Variants in IHO1 observed in about 807,000 individuals in gnomAD.
The protein encoded by IHO1 is interactor of HORMAD1 protein 1.
A neutral mutation model predicts 31.0 loss-of-function variants in IHO1; 13 were observed. That is an observed-to-expected ratio of 0.42 (90% CI 0.27 to 0.67). The LOEUF (loss-of-function observed/expected upper bound fraction) is 0.67. Among genes scored for constraint, IHO1 ranks in the 30% least tolerant of loss-of-function variants. The probability of loss-of-function intolerance (pLI) is 0.24; values close to 1 mark genes in which losing one functional copy is unlikely to be tolerated. For missense variants in IHO1, 599 were observed against 687.5 expected, an observed-to-expected ratio of 0.87 and a Z score of 1.44; for synonymous variants, 221 against 248.4, an observed-to-expected ratio of 0.89 and a Z score of 1.04.
At chr3:49,209,614 T>TGACA (rs990162520) in intron 1 of IHO1, among the ~76,000 whole-genome samples, 1 of 151,454 alleles carries the variant, frequency 6.6e-6, no homozygotes, top group African/African-American at 2.4e-5. Context: ...CCAGCCTGCG[T>TGACA]GACAGAGTGG....
In IHO1 at chr3:49,216,797, G is replaced by GA. The variant is rs1003840406; in HGVS notation, c.56+4969dup. ...ACAAAGAAATTAAACAAATTCACAA[G>GA]AAAAAAAACCCCATCAAAAAGTGGG... On this transcript the variant is annotated intron_variant, in intron 2 of 7. Coordinates refer to ENST00000452691, the MANE Select transcript of IHO1 (RefSeq NM_001135197.2). Among the ~76,000 whole-genome samples, 9 of 151,762 alleles carry GA rather than the reference G, an allele frequency of 5.9e-5. No individual in the cohort carries two copies. The South Asian group carries it at 6.2e-4, about 11-fold the overall frequency.
At position 49,211,766 on chromosome 3, in the gene IHO1, GTATAAC is replaced by G. The variant is rs773739752; in HGVS notation, c.-9_-4del. 1.0e-3 allele frequency: 1,407 copies of G among 1,375,406 alleles called. 2 individuals are homozygous for G. Among genetic ancestry groups the G allele is most frequent in the Non-Finnish European group, 1.2e-3 (1,185 of 964,056 alleles). The allele number at this position is 1,375,406 out of a possible 1,614,324, so 85.2% of individuals were successfully genotyped here. On this transcript the variant is annotated splice_region_variant and 5_prime_UTR_variant, in exon 2 of 8. Coordinates refer to ENST00000452691, the MANE Select transcript of IHO1 (RefSeq NM_001135197.2). ...AATATTCACCTATTCTTTCTAATAGGTATAACTATAAGAAATGAATTTTAATGTCTG... is the reference window on the plus strand; with the variant it reads ...AATATTCACCTATTCTTTCTAATAGGTATAAGAAATGAATTTTAATGTCTG...
chr3:49,235,371 C>T (rs1467242078), intron 2 of IHO1, among the ~76,000 whole-genome samples: 2 of 151,634 alleles, frequency 1.3e-5, no homozygotes, highest in East Asian at 2.0e-4. Context: ...GGATTACAGG[C>T]ACCCACCATC....
chr3:49,244,004 GA>G (rs1158039031), intron 4 of IHO1, among the ~76,000 whole-genome samples: 3 of 150,440 alleles, frequency 2.0e-5, no homozygotes, highest in African/African-American at 7.3e-5. Flanking sequence ...TCCCAGGCTG[GA>G]GTGCAGTGGC....
intron 2 of IHO1, among the ~76,000 whole-genome samples, chr3:49,227,182 T>A (rs9826525): frequency 0.099 from 15,121 of 152,214 alleles, 828 homozygotes; most frequent in Middle Eastern, 0.11. Context: ...CAGAAAAGGT[T>A]AAGCTGCAGG....
chr3:49,195,257 T>C (rs1295804390), upstream of IHO1, among the ~76,000 whole-genome samples: 5 of 150,494 alleles, frequency 3.3e-5, no homozygotes, highest in Admixed American at 6.6e-5. Context: ...CCGTCTCTAC[T>C]AAAAATACAA....
At chr3:49,194,556 G>A (rs1250784007), upstream of IHO1, among the ~76,000 whole-genome samples, 2 of 145,926 alleles carry the variant, frequency 1.4e-5, no homozygotes, top group Admixed American at 1.4e-4. Context: ...CTCCCAAAGT[G>A]CTGAGATTAC....
intron 2 of IHO1, among the ~76,000 whole-genome samples, chr3:49,224,346 C>T (rs1223506445): frequency 6.6e-6 from 1 of 152,188 alleles, no homozygotes; most frequent in Non-Finnish European, 1.5e-5. Context: ...TCTGCCTTTT[C>T]TCCCTCACCT....
chr3:49,191,800 A>G, the IHO1 span: 1 of 1,542,358 alleles, frequency 6.5e-7, no homozygotes, highest in Non-Finnish European at 8.7e-7. Context: ...GAAAAGGCAA[A>G]CTTTCCTCTT....
In IHO1 at chr3:49,244,727, A is replaced by G. The variant is rs2046674373; in HGVS notation, c.526A>G (p.Lys176Glu). ...TTTGGATTCTTTGGAGACTGTGGCC[A>G]AGACATGTGAGTGCCTCATGTTTGA... ...SILDSLETVA[K>E]TLQETIQAQN... Residue 176 changes from lysine to glutamate, a missense_variant, in exon 6 of 8, where the codon AAG becomes GAG. Physicochemically the swap from Lys to Glu is moderately conservative, Grantham distance 56. Coordinates refer to ENST00000452691, the MANE Select transcript of IHO1 (RefSeq NM_001135197.2). 2 of 1,613,972 alleles carry G rather than the reference A, an allele frequency of 1.2e-6. No homozygotes were observed. Among genetic ancestry groups the G allele is most frequent in the African/African-American group, 1.3e-5 (1 of 75,052 alleles).
Position 49,241,226 on chromosome 3 carries a change from G to T in IHO1, c.232G>T (p.Gly78Cys). ...SKQSQQNYLEGEPSIFTKYQT... is the reference protein window; with the variant it reads ...SKQSQQNYLECEPSIFTKYQT... ...GCTATATATTTTTTTCATTTAACAG[G>T]GTGAACCTAGCATTTTCACAAAGTA... Residue 78 changes from glycine (G) to cysteine (C), a missense_variant and splice_region_variant, in exon 4 of 8, where the codon GGT becomes TGT. Physicochemically the swap from Gly to Cys is radical, Grantham distance 159. Transcript: ENST00000452691. 6.3e-7 allele frequency: 1 copy of T among 1,591,308 alleles called. No individual in the cohort carries two copies. The highest frequency in any genetic ancestry group is 8.5e-7 in the Non-Finnish European group (1 of 1,171,120).
intron 2 of IHO1, among the ~76,000 whole-genome samples, chr3:49,224,328 G>A (rs1001200433): frequency 6.6e-6 from 1 of 152,164 alleles, no homozygotes; most frequent in African/African-American, 2.4e-5. Context: ...TCTGCCTGAC[G>A]GTTTCCTTCT....
chr3:49,253,397 C>G (rs1051688228), intron 6 of IHO1, among the ~76,000 whole-genome samples: 2 of 152,126 alleles, frequency 1.3e-5, no homozygotes, highest in African/African-American at 2.4e-5. Flanking sequence ...TGCACTCCAG[C>G]TAGGCGACAG....
chr3:49,210,716 A>C (rs1273783688), intron 1 of IHO1, among the ~76,000 whole-genome samples: 1 of 76,292 alleles, frequency 1.3e-5, no homozygotes, highest in South Asian at 4.0e-4. Flanking sequence ...TTTTTTTTTG[A>C]GATGGGGTCT....
At chr3:49,231,829 C>T (rs781618951) in intron 2 of IHO1, among the ~76,000 whole-genome samples, 36 of 152,198 alleles carry the variant, frequency 2.4e-4, no homozygotes, top group Non-Finnish European at 4.7e-4. Context: ...AACGCAGATA[C>T]AGCATTACCT....
chr3:49,240,889 A>C (rs1370601970), intron 3 of IHO1, among the ~76,000 whole-genome samples: 2 of 152,194 alleles, frequency 1.3e-5, no homozygotes, highest in Non-Finnish European at 2.9e-5. Context: ...TTTGAGTTAA[A>C]ATTATGATTA....
chr3:49,192,816 A>G, the IHO1 span, among the ~76,000 whole-genome samples: 1 of 152,220 alleles, frequency 6.6e-6, no homozygotes, highest in East Asian at 1.9e-4. Flanking sequence ...GGATTGCCTG[A>G]GCCTGAGGAG....
At chr3:49,194,959 CAT>C (rs1310452309), upstream of IHO1, among the ~76,000 whole-genome samples, 2 of 151,612 alleles carry the variant, frequency 1.3e-5, no homozygotes, top group Non-Finnish European at 2.9e-5. Flanking sequence ...TGGATACAAA[CAT>C]ATGAACTGGC....
At chr3:49,233,757 G>GC (rs1199592424) in intron 2 of IHO1, among the ~76,000 whole-genome samples, 2 of 152,204 alleles carry the variant, frequency 1.3e-5, no homozygotes, top group Non-Finnish European at 2.9e-5. Context: ...CAAAATCTCT[G>GC]CAGCACTGTG....
Sources: allele counts gnomAD v4.1 joint callset (sites outside exome capture counted in the v4.1 genomes callset), GRCh38; gene constraint gnomAD v4.1.1; transcripts MANE v1.5; gene names NCBI Gene and HGNC (gene_info 2026-07-23, HGNC 2026-07-21).